The following SSUH2 variants were observed in gnomAD, a reference collection of about 807,000 sequenced individuals.
SSUH2 encodes the protein protein SSUH2 homolog.
SSUH2 carries 47 observed loss-of-function variants against 55.3 expected under a neutral mutation model. The ratio of observed to expected loss-of-function variants is 0.85; its 90% confidence interval spans 0.67 to 1.08. The LOEUF (loss-of-function observed/expected upper bound fraction) is 1.08, where lower values mean the gene tolerates loss of function less well. SSUH2 is among the 50% of genes least tolerant of loss of function. SSUH2 has a pLI of 0.00. For missense variants in SSUH2, 535 were observed against 490.7 expected (o/e 1.09, Z -0.85); for synonymous variants, 212 against 191.5 (o/e 1.11, Z -0.89).
In SSUH2 at chr3:8,679,350, C is replaced by A. The variant is rs9843283; in HGVS notation, c.-901+355G>T. ...CCCCTCTTCCCGCCCCTTGCTCTTC[C>A]GACCCCCATCGCATTGGCGGGAGGC... On this transcript the variant is annotated intron_variant, in intron 2 of 18. Coordinates refer to the SSUH2 transcript ENST00000317371. 1.3e-4 allele frequency among the ~76,000 whole-genome samples: 8 copies of A among 59,922 alleles called. 3 individuals are homozygous for A. The highest frequency in any genetic ancestry group is 3.2e-4 in the Non-Finnish European group (8 of 24,768). The allele number at this position is 59,922 out of a possible 152,430, so 39.3% of individuals were successfully genotyped here. A position where few individuals can be genotyped will look rare whatever the true frequency, so the allele number is the denominator to read the frequency against.
intron 6 of SSUH2, chr3:8,659,709 T>G (rs1016643868): frequency 2.2e-6 from 1 of 452,832 alleles, no homozygotes; most frequent in Non-Finnish European, 4.4e-6. Context: ...CTACCATGCA[T>G]CATCCGTCTG....
At chr3:8,651,038 C>A (rs549506301) in intron 7 of SSUH2, among the ~76,000 whole-genome samples, 4 of 152,230 alleles carry the variant, frequency 2.6e-5, no homozygotes, top group Non-Finnish European at 5.9e-5. Flanking sequence ...AGCAATTGCA[C>A]GCATTTTGCA....
chr3:8,647,934 T>C, upstream of SSUH2, among the ~76,000 whole-genome samples: 1 of 151,994 alleles, frequency 6.6e-6, no homozygotes. Flanking sequence ...TTGACACAAA[T>C]AAGAAACTTG....
intron 5 of SSUH2, among the ~76,000 whole-genome samples, chr3:8,667,411 A>T (rs779140810): frequency 6.6e-6 from 1 of 152,200 alleles, no homozygotes; most frequent in Non-Finnish European, 1.5e-5. Context: ...TTTTGTCACC[A>T]TCTTGGTTTT....
chr3:8,655,940 A>T (rs1166054271), intron 7 of SSUH2, among the ~76,000 whole-genome samples: 1 of 152,034 alleles, frequency 6.6e-6, no homozygotes. Flanking sequence ...TCCTCCTACC[A>T]CTGTGGAATA....
chr3:8,632,470 T>C (rs1328454544), intron 4 of SSUH2, among the ~76,000 whole-genome samples: 1 of 152,220 alleles, frequency 6.6e-6, no homozygotes, highest in African/African-American at 2.4e-5. Context: ...GAGGAATTTA[T>C]CTCCCTGATA....
chr3:8,629,538 G>C, intron 7 of SSUH2, 126 bp downstream of exon 7: 1 of 769,306 alleles, frequency 1.3e-6, no homozygotes, highest in African/African-American at 1.7e-5. Context: ...CAGAAAGGGA[G>C]GATGACTTGG....
At chr3:8,671,090 G>T in exon 5 of SSUH2, 1 of 284,090 alleles carries the variant, frequency 3.5e-6, no homozygotes, top group Non-Finnish European at 7.9e-6. Flanking sequence ...GTGAAGTCCC[G>T]CTAGGATATT....
intron 1 of SSUH2, chr3:8,639,966 G>A (rs1017219886): frequency 7.1e-6 from 7 of 985,254 alleles, no homozygotes; most frequent in African/African-American, 7.0e-5. Context: ...GTGTATTGTC[G>A]ATATGCACAA....
rs1167057023 is a variant in SSUH2, at chr3:8,635,788, G to C, written c.98C>G (p.Pro33Arg). The change falls in exon 2 of 12, where the codon CCC (proline) becomes CGC (arginine). Residue 33 changes from proline to arginine, a missense_variant. Pro to Arg is a moderately radical substitution (Grantham distance 103). Coordinates refer to ENST00000544814, the MANE Select transcript of SSUH2 (RefSeq NM_001256748.3). ...APPTELLERL[P>R]SYDWLLQGGR... ...CCCTTGAAGAAGCCAGTCATAGCTG[G>C]GCAGTCTCTCCAGGAGCTCTGTGGG... 6.5e-7 allele frequency: 1 copy of C among 1,535,964 alleles called. No homozygotes were observed. The highest frequency in any genetic ancestry group is 1.2e-5 in the South Asian group (1 of 83,996).
chr3:8,678,483 TTG>T (rs1559563221), intron 2 of SSUH2, among the ~76,000 whole-genome samples: 19 of 142,242 alleles, frequency 1.3e-4, no homozygotes, highest in South Asian at 7.7e-4. Flanking sequence ...AGGACCCCCA[TTG>T]CAAGGGGGTG....
intron 7 of SSUH2, among the ~76,000 whole-genome samples, chr3:8,629,012 T>G (rs1417424725): frequency 6.6e-6 from 1 of 152,136 alleles, no homozygotes; most frequent in Non-Finnish European, 1.5e-5. Context: ...CCCGCCACCA[T>G]GCCCAGCTAA....
In SSUH2 at chr3:8,678,649, G is replaced by T. The variant is rs529567377; in HGVS notation, c.-901+1056C>A. On this transcript the variant is annotated intron_variant, in intron 2 of 18. Coordinates refer to the SSUH2 transcript ENST00000317371. Reference sequence around the variant, plus strand: ...GGCTTTTGGGACCCCCATCGCAGTGGGGGGAGGCACCCCCCGCGAGGCGGG... The same window carrying T: ...GGCTTTTGGGACCCCCATCGCAGTGTGGGGAGGCACCCCCCGCGAGGCGGG... Among the ~76,000 whole-genome samples, 2 of 54,580 alleles carry T rather than the reference G, an allele frequency of 3.7e-5. 1 individual carries two copies. The highest frequency in any genetic ancestry group is 1.7e-3 in the South Asian group (2 of 1,156). The allele number at this position is 54,580 out of a possible 152,430, so 35.8% of individuals were successfully genotyped here. A position where few individuals can be genotyped will look rare whatever the true frequency, so the allele number is the denominator to read the frequency against.
upstream of SSUH2, among the ~76,000 whole-genome samples, chr3:8,647,083 T>C (rs905057252): frequency 6.6e-6 from 1 of 152,238 alleles, no homozygotes; most frequent in African/African-American, 2.4e-5. Context: ...GGATATGTCA[T>C]GGCTGCAGCA....
chr3:8,681,703 A>G (rs1447882724), intron 1 of SSUH2, among the ~76,000 whole-genome samples: 5 of 145,574 alleles, frequency 3.4e-5, no homozygotes, highest in Non-Finnish European at 7.5e-5. Context: ...TAGGACCCCC[A>G]TCGCAGCGGG....
chr3:8,635,794 C>T lies in SSUH2; in HGVS notation c.92G>A (p.Arg31Lys). Reference sequence around the variant, plus strand: ...AAGAAGCCAGTCATAGCTGGGCAGTCTCTCCAGGAGCTCTGTGGGGGGCGC... The same window carrying T: ...AAGAAGCCAGTCATAGCTGGGCAGTTTCTCCAGGAGCTCTGTGGGGGGCGC... ...PLAPPTELLE[R>K]LPSYDWLLQG... Residue 31 changes from arginine to lysine, a missense_variant, in exon 2 of 12, where the codon AGA (arginine) becomes AAA (lysine). Transcript: ENST00000544814. 1 of 1,536,018 alleles carries T rather than the reference C, an allele frequency of 6.5e-7. No homozygotes were observed.
Position 8,625,658 on chromosome 3 carries a change from G to T in SSUH2, c.768-11C>A. The T allele has an allele frequency of 6.3e-7, 1 of 1,577,400 alleles. No individual in the cohort carries two copies. The highest frequency in any genetic ancestry group is 8.7e-7 in the Non-Finnish European group (1 of 1,146,824). ...AACAAGCTGTTCTTCCTGGAGGGAAGGAGGATGAGGGATGAAAGCACACAG... is the reference window on the plus strand; with the variant it reads ...AACAAGCTGTTCTTCCTGGAGGGAATGAGGATGAGGGATGAAAGCACACAG... On this transcript the variant is annotated splice_polypyrimidine_tract_variant and intron_variant, in intron 9 of 11. Transcript: ENST00000544814.
At chr3:8,634,314 C>G in intron 3 of SSUH2, 1 of 1,151,250 alleles carries the variant, frequency 8.7e-7, no homozygotes, top group South Asian at 1.4e-5. Context: ...GGACGACAGA[C>G]AGGGACCCTA....
intron 2 of SSUH2, chr3:8,677,454 C>T (rs1466526864): frequency 6.6e-6 from 1 of 150,750 alleles, no homozygotes; most frequent in Non-Finnish European, 1.5e-5. Flanking sequence ...TCTATGAGGT[C>T]ACAAAGGGGG....
Sources: allele counts gnomAD v4.1 joint callset (sites outside exome capture counted in the v4.1 genomes callset), GRCh38; gene constraint gnomAD v4.1.1; transcripts MANE v1.5; gene names NCBI Gene and HGNC (gene_info 2026-07-23, HGNC 2026-07-21).